Variants in IQCH observed in about 807,000 individuals in gnomAD.
The protein encoded by IQCH is IQ domain-containing protein H.
In IQCH, 98 loss-of-function variants were observed where a neutral mutation model predicts 117.0. That is an observed-to-expected ratio of 0.84 (90% CI 0.71 to 0.99). The LOEUF (loss-of-function observed/expected upper bound fraction) is 0.99, where lower values mean the gene tolerates loss of function less well. Ranked by LOEUF, IQCH falls within the 50% of genes least tolerant of loss-of-function variation. The pLI is 0.00. For missense variants in IQCH, 1,102 were observed against 1,243.8 expected (o/e 0.89, Z 1.72); for synonymous variants, 412 against 448.2 (o/e 0.92, Z 1.02).
At chr15:67,423,253 C>T (rs1409640782) in intron 16 of IQCH, among the ~76,000 whole-genome samples, 1 of 152,000 alleles carries the variant, frequency 6.6e-6, no homozygotes, top group Non-Finnish European at 1.5e-5. Flanking sequence ...GGGGAGGCTG[C>T]CCTCCCCAAG....
chr15:67,335,624 A>G (rs1328028662), intron 4 of IQCH, among the ~76,000 whole-genome samples: 1 of 152,016 alleles, frequency 6.6e-6, no homozygotes, highest in Admixed American at 6.6e-5. Context: ...GGGAGAGGAG[A>G]GCTGAGGATA....
chr15:67,314,915 G>C (rs763603009), intron 4 of IQCH, among the ~76,000 whole-genome samples: 1 of 152,162 alleles, frequency 6.6e-6, no homozygotes, highest in Non-Finnish European at 1.5e-5. Flanking sequence ...TAAATCCTCT[G>C]GTTCAGAAAC....
chr15:67,486,071 T>A (rs2083470232), intron 18 of IQCH, among the ~76,000 whole-genome samples: 1 of 144,766 alleles, frequency 6.9e-6, no homozygotes, highest in Non-Finnish European at 1.5e-5. Context: ...GATAGAGTCT[T>A]GCACTATCTC....
Position 67,493,804 on chromosome 15 carries a change from T to C in IQCH, c.2862-454T>C, listed in dbSNP as rs917639203. Among the ~76,000 whole-genome samples the C allele has an allele frequency of 5.5e-4, 83 of 152,048 alleles. No individual in the cohort carries two copies. Among genetic ancestry groups the C allele is most frequent in the Non-Finnish European group, 2.9e-4 (20 of 67,996 alleles). ...GGTATATCTCCTAATGCTATTCCTC[T>C]CCCCTCCCCTCACCCCACGACAGGC... On this transcript the variant is annotated intron_variant, in intron 19 of 20. Coordinates refer to ENST00000335894, the MANE Select transcript of IQCH (RefSeq NM_001031715.3). The surrounding 1 kb of genome is among the most constrained non-coding windows in gnomAD (Gnocchi z 5.1).
chr15:67,373,759 A>T (rs1338784641), intron 10 of IQCH: 1 of 413,202 alleles, frequency 2.4e-6, no homozygotes, highest in African/African-American at 2.1e-5. Context: ...CTTTAATGAT[A>T]GAAGAACACA....
At chr15:67,274,806 C>T (rs1433735558) in intron 3 of IQCH, among the ~76,000 whole-genome samples, 1 of 152,058 alleles carries the variant, frequency 6.6e-6, no homozygotes, top group Non-Finnish European at 1.5e-5. Context: ...GATATGCTTG[C>T]TTTTTTCTTT....
chr15:67,283,128 T>C (rs1016663586), intron 4 of IQCH, among the ~76,000 whole-genome samples: 3 of 152,168 alleles, frequency 2.0e-5, no homozygotes, highest in Non-Finnish European at 4.4e-5. Context: ...TTTTAATTTT[T>C]TCCTCCAAAT....
At chr15:67,315,875 C>T (rs1967821029) in intron 4 of IQCH, among the ~76,000 whole-genome samples, 1 of 152,096 alleles carries the variant, frequency 6.6e-6, no homozygotes, top group Non-Finnish European at 1.5e-5. Flanking sequence ...CTAGTTTATA[C>T]GTCCTATCTG....
At chr15:67,275,036 A>G (rs570477860) in intron 3 of IQCH, among the ~76,000 whole-genome samples, 2 of 152,318 alleles carry the variant, frequency 1.3e-5, no homozygotes, top group Non-Finnish European at 2.9e-5. Flanking sequence ...ACAGCATGGT[A>G]CTGCCACTCT....
At chr15:67,363,964 A>G (rs771498105) in intron 8 of IQCH, among the ~76,000 whole-genome samples, 22 of 152,244 alleles carry the variant, frequency 1.4e-4, no homozygotes, top group Non-Finnish European at 3.1e-4. Context: ...TATTGATGGT[A>G]ATTTAGGTTG....
chr15:67,491,176 A>G lies in IQCH; in HGVS notation c.2861+1112A>G, dbSNP rs1012602946. Among the ~76,000 whole-genome samples, 2 of 152,112 alleles carry G rather than the reference A, an allele frequency of 1.3e-5. No individual in the cohort carries two copies. The highest frequency in any genetic ancestry group is 4.8e-5 in the African/African-American group (2 of 41,414). On this transcript the variant is annotated intron_variant, in intron 19 of 20. Coordinates refer to ENST00000335894, the MANE Select transcript of IQCH (RefSeq NM_001031715.3). This position sits in a 1 kb window ranked among gnomAD's most constrained non-coding sequence, Gnocchi z 4.9. ...TCCTCTACGAAGCACTGATGTTCCT[A>G]TGTGGCCTCAGTCCCTCCCTCCCCA... is the stretch of plus-strand genomic sequence containing the variant.
rs2082731056 is a variant in IQCH, at chr15:67,459,222, A to G, written c.2506-5905A>G. Among the ~76,000 whole-genome samples the G allele has an allele frequency of 6.6e-6, 1 of 152,210 alleles. No individual in the cohort carries two copies. The highest frequency in any genetic ancestry group is 1.5e-5 in the Non-Finnish European group (1 of 68,040). ...AAAAGAAAAAGAGGAAGAAGACGAT[A>G]AGAAAACTTAGAGATGAGTCTGCAG... On this transcript the variant is annotated intron_variant, in intron 16 of 20. Transcript: ENST00000335894. The surrounding 1 kb of genome is among the most constrained non-coding windows in gnomAD (Gnocchi z 4.2).
At chr15:67,358,189 C>A (rs1596252185) in intron 7 of IQCH, among the ~76,000 whole-genome samples, 3 of 38,602 alleles carry the variant, frequency 7.8e-5, no homozygotes, top group East Asian at 6.6e-4. Flanking sequence ...TTTTAACCAT[C>A]ATGAGGCACT....
intron 8 of IQCH, 183 bp downstream of exon 8, chr15:67,360,068 AAGTG>A: frequency 1.8e-6 from 1 of 562,654 alleles, no homozygotes; most frequent in Non-Finnish European, 3.1e-6. Context: ...GGTTCATTTA[AAGTG>A]AAAACCCTTT....
intron 4 of IQCH, among the ~76,000 whole-genome samples, chr15:67,333,766 A>G (rs1477836629): frequency 1.3e-5 from 2 of 152,166 alleles, no homozygotes; most frequent in Non-Finnish European, 2.9e-5. Context: ...TACATTTTCA[A>G]AAATTTTTGG....
rs1314519802 is a variant in IQCH at position 67,391,950 on chromosome 15, C to T, written c.1632+2944C>T. On this transcript the variant is annotated intron_variant, in intron 12 of 20. Coordinates refer to ENST00000335894, the MANE Select transcript of IQCH (RefSeq NM_001031715.3). The surrounding 1 kb of genome is among the most constrained non-coding windows in gnomAD (Gnocchi z 4.3). ...ATGCTCAGAATGTTAACATTAGGTT[C>T]TATTGCTGCATCTGCCATCCCCCTT... Among the ~76,000 whole-genome samples the T allele has an allele frequency of 6.6e-6, 1 of 152,154 alleles. No individual in the cohort carries two copies. The highest frequency in any genetic ancestry group is 1.5e-5 in the Non-Finnish European group (1 of 68,020).
chr15:67,415,971 G>A (rs773870445), intron 14 of IQCH, among the ~76,000 whole-genome samples: 8 of 152,152 alleles, frequency 5.3e-5, no homozygotes, highest in Non-Finnish European at 1.0e-4. Flanking sequence ...GCTAAGGCAG[G>A]AGGATCATTT....
At chr15:67,469,063 C>T (rs2083004977) in intron 17 of IQCH, among the ~76,000 whole-genome samples, 1 of 152,086 alleles carries the variant, frequency 6.6e-6, no homozygotes, top group African/African-American at 2.4e-5. Flanking sequence ...TTGAAGCATT[C>T]TTGTTAAATT....
chr15:67,282,543 T>G (rs1966403425), intron 4 of IQCH, among the ~76,000 whole-genome samples: 1 of 152,204 alleles, frequency 6.6e-6, no homozygotes, highest in African/African-American at 2.4e-5. Context: ...TGTTGTTGTA[T>G]ATCTAATATG....
Sources: gnomAD v4.1 joint callset for allele counts (sites outside exome capture counted in the v4.1 genomes callset) on GRCh38, gnomAD v4.1.1 for gene constraint, Gnocchi (gnomAD v3.1) non-coding constraint, MANE v1.5 for transcripts, NCBI Gene and HGNC (gene_info 2026-07-23, HGNC 2026-07-21) for gene names.